MBNL2: variants seen among roughly 807,000 people sequenced by gnomAD.
The protein encoded by MBNL2 is muscleblind-like protein 2.
Under a neutral mutation model 41.9 loss-of-function variants are expected in MBNL2, and 17 were observed. That is an observed-to-expected ratio of 0.41 (90% CI 0.28 to 0.61). The LOEUF is 0.61. MBNL2 is among the 20% of genes least tolerant of loss of function. The pLI is 0.35. For synonymous variants in MBNL2, 195 were observed against 182.9 expected (o/e 1.07, Z -0.53); for missense variants, 336 against 505.6 (o/e 0.66, Z 3.22).
intron 3 of MBNL2, among the ~76,000 whole-genome samples, chr13:97,340,082 C>T (rs756484428): frequency 3.3e-5 from 5 of 152,130 alleles, no homozygotes; most frequent in African/African-American, 1.2e-4. Flanking sequence ...TTCTTGCTGC[C>T]GCACTTGCTT....
At chr13:97,347,195 T>A in intron 5 of MBNL2, 128 bp downstream of exon 5, 1 of 718,516 alleles carries the variant, frequency 1.4e-6, no homozygotes, top group Admixed American at 3.4e-5. Flanking sequence ...CTCCGCTGCC[T>A]AAGTTTTGCT....
At chr13:97,361,804 C>G (rs1452601905) in intron 7 of MBNL2, among the ~76,000 whole-genome samples, 3 of 114,320 alleles carry the variant, frequency 2.6e-5, no homozygotes, top group Non-Finnish European at 4.9e-5. Flanking sequence ...GAGTCTCGCT[C>G]TGTCACCCAG....
At chr13:97,264,623 T>C (rs561246460) in intron 1 of MBNL2, among the ~76,000 whole-genome samples, 4 of 152,396 alleles carry the variant, frequency 2.6e-5, no homozygotes, top group East Asian at 1.9e-4. Context: ...TTAAAGTGTG[T>C]CTGTTGGTTA....
rs1201374167 is a variant in MBNL2, at chr13:97,227,053, CA to C, written c.-605+4532del. 4.6e-3 allele frequency among the ~76,000 whole-genome samples: 403 copies of C among 88,324 alleles called. 4 individuals carry two copies. Among genetic ancestry groups the C allele is most frequent in the African/African-American group, 0.016 (354 of 22,380 alleles). The allele number at this position is 88,324 out of a possible 152,430, so 57.9% of individuals were successfully genotyped here. A position where few individuals can be genotyped will look rare whatever the true frequency, so the allele number is the denominator to read the frequency against. ...AAAGCAGAGTTACAAAAAAAAAAAA[CA>C]AAAAAAAAATCAAAAAAAAAAAATA... On this transcript the variant is annotated intron_variant, in intron 1 of 8. Transcript: ENST00000679496.
chr13:97,233,966 A>C (rs1004798517), intron 1 of MBNL2, among the ~76,000 whole-genome samples: 1 of 152,156 alleles, frequency 6.6e-6, no homozygotes, highest in African/African-American at 2.4e-5. Flanking sequence ...GATCTACCCA[A>C]CTGACAAAAA....
At chr13:97,339,046 T>C (rs2061146838) in intron 3 of MBNL2, among the ~76,000 whole-genome samples, 1 of 149,816 alleles carries the variant, frequency 6.7e-6, no homozygotes, top group Non-Finnish European at 1.5e-5. Flanking sequence ...AGTGTATATG[T>C]GCAAGTGTGT....
chr13:97,184,465 C>A, the MBNL2 span, among the ~76,000 whole-genome samples: 1 of 152,104 alleles, frequency 6.6e-6, no homozygotes, highest in Non-Finnish European at 1.5e-5. Flanking sequence ...AATAACCATC[C>A]CATCCTTCCG....
intron 2 of MBNL2, among the ~76,000 whole-genome samples, chr13:97,304,916 G>A (rs1326782176): frequency 6.6e-6 from 1 of 152,152 alleles, no homozygotes; most frequent in African/African-American, 2.4e-5. Context: ...CTAATTTAGA[G>A]AAGCTCTGTT....
chr13:97,337,900 A>G (rs151301690), intron 3 of MBNL2, among the ~76,000 whole-genome samples: 11 of 152,280 alleles, frequency 7.2e-5, no homozygotes, highest in African/African-American at 2.6e-4. Context: ...AAGTCCTGTC[A>G]TATCTGCCCT....
chr13:97,206,171 C>T, the MBNL2 span, among the ~76,000 whole-genome samples: 1 of 152,258 alleles, frequency 6.6e-6, no homozygotes, highest in Non-Finnish European at 1.5e-5. Flanking sequence ...AAGCATTTGA[C>T]CCAGCAAAAT....
intron 1 of MBNL2, among the ~76,000 whole-genome samples, chr13:97,238,623 T>C (rs1004124621): frequency 6.6e-6 from 1 of 151,814 alleles, no homozygotes; most frequent in African/African-American, 2.4e-5. Context: ...TTTGGAAGAG[T>C]GCTGCGTGGG....
At chr13:97,249,980 T>TG (rs1466046579) in intron 1 of MBNL2, among the ~76,000 whole-genome samples, 4 of 152,234 alleles carry the variant, frequency 2.6e-5, no homozygotes, top group Non-Finnish European at 5.9e-5. Flanking sequence ...GGTTCCAGCT[T>TG]GGCAAAGCTT....
intron 2 of MBNL2, among the ~76,000 whole-genome samples, chr13:97,329,467 G>A (rs2060185181): frequency 2.6e-5 from 4 of 151,898 alleles, no homozygotes; most frequent in Admixed American, 6.6e-5. Flanking sequence ...CCATTGTGTG[G>A]CTTCTTCCTG....
At chr13:97,152,403 T>C in the MBNL2 span, among the ~76,000 whole-genome samples, 2 of 152,072 alleles carry the variant, frequency 1.3e-5, no homozygotes, top group African/African-American at 4.8e-5. Context: ...AAATAAAATT[T>C]TGAAAAGTGA....
At chr13:97,181,358 A>T in the MBNL2 span, among the ~76,000 whole-genome samples, 1 of 152,214 alleles carries the variant, frequency 6.6e-6, no homozygotes, top group African/African-American at 2.4e-5. Context: ...GTGTAGGGAC[A>T]CGACTCTGTA....
In MBNL2 at chr13:97,339,266, TTG is replaced by T. The variant is rs537111118; in HGVS notation, c.340-3741_340-3740del. On this transcript the variant is annotated intron_variant, in intron 3 of 8. Transcript: ENST00000679496. Reference sequence around the variant, plus strand: ...AGTATGTGTTGTGTATATGAGTGTGTTGTGTGTGTGAGTGTGTGTGGGTGTGT... The same window carrying T: ...AGTATGTGTTGTGTATATGAGTGTGTTGTGTGTGAGTGTGTGTGGGTGTGT... Among the ~76,000 whole-genome samples, 196 of 151,536 alleles carry T rather than the reference TTG, an allele frequency of 1.3e-3. 1 individual carries two copies. Among genetic ancestry groups the T allele is most frequent in the African/African-American group, 4.2e-3 (173 of 41,352 alleles).
At chr13:97,343,724 C>G (rs2061608675) in intron 4 of MBNL2, among the ~76,000 whole-genome samples, 1 of 152,214 alleles carries the variant, frequency 6.6e-6, no homozygotes, top group Admixed American at 6.5e-5. Flanking sequence ...CATGGCTGCT[C>G]TAGTGTGTTC....
intron 1 of MBNL2, among the ~76,000 whole-genome samples, chr13:97,224,124 G>A (rs2152763518): frequency 6.6e-6 from 1 of 152,346 alleles, no homozygotes. Flanking sequence ...GCAAAAAGCA[G>A]CAGGGAGCAG....
chr13:97,199,788 C>T, the MBNL2 span, among the ~76,000 whole-genome samples: 1 of 152,166 alleles, frequency 6.6e-6, no homozygotes, highest in Admixed American at 6.5e-5. Context: ...CTTAATTTGG[C>T]CTTGAATAGT....
Sources: gnomAD v4.1 joint callset for allele counts (sites outside exome capture counted in the v4.1 genomes callset) on GRCh38, gnomAD v4.1.1 for gene constraint, MANE v1.5 for transcripts, NCBI Gene and HGNC (gene_info 2026-07-23, HGNC 2026-07-21) for gene names.